TRAF3IP2: variants seen among roughly 807,000 people sequenced by gnomAD.
TRAF3IP2 encodes the protein E3 ubiquitin ligase TRAF3IP2.
Under a neutral mutation model 57.9 loss-of-function variants are expected in TRAF3IP2, and 35 were observed. The observed-to-expected ratio is 0.60, with a 90% CI of 0.46 to 0.80. TRAF3IP2 has a LOEUF of 0.80. TRAF3IP2 is among the 30% of genes least tolerant of loss of function. TRAF3IP2 has a pLI of 0.00. For synonymous variants in TRAF3IP2, 251 were observed against 268.9 expected (o/e 0.93, Z 0.65); for missense variants, 556 against 706.4 (o/e 0.79, Z 2.41).
At chr6:111,568,612 T>C (rs1795732170) in intron 5 of TRAF3IP2, among the ~76,000 whole-genome samples, 2 of 152,060 alleles carry the variant, frequency 1.3e-5, no homozygotes, top group African/African-American at 4.8e-5. Flanking sequence ...TGCTCCCAGA[T>C]TACTTGTCCT....
At chr6:111,588,729 C>T (rs1796414635) in intron 2 of TRAF3IP2, among the ~76,000 whole-genome samples, 1 of 152,188 alleles carries the variant, frequency 6.6e-6, no homozygotes, top group Non-Finnish European at 1.5e-5. Context: ...GTATGCAATG[C>T]TTGCCATAGC....
rs548725969 is a variant in TRAF3IP2, at chr6:111,559,172, G to GT, written c.*232dup. Reference sequence around the variant, plus strand: ...ATATGGGACACTGGCACCTGCAATGGTTTTTTTAAAAGCAGAGAATGCAGA... The same window carrying GT: ...ATATGGGACACTGGCACCTGCAATGGTTTTTTTTAAAAGCAGAGAATGCAGA... On this transcript the variant is annotated 3_prime_UTR_variant, in exon 9 of 9. Transcript: ENST00000368761. 168 of 482,362 alleles carry GT rather than the reference G, an allele frequency of 3.5e-4. No homozygotes were observed. The highest frequency in any genetic ancestry group is 3.0e-3 in the African/African-American group (156 of 52,254). 29.9% of individuals were successfully genotyped at this position (482,362 alleles called of 1,614,324 possible).
chr6:111,556,243 T>C lies in TRAF3IP2; in HGVS notation c.*3162A>G, dbSNP rs1795238953. 1.3e-5 allele frequency among the ~76,000 whole-genome samples: 2 copies of C among 152,048 alleles called. No homozygotes were observed. Among genetic ancestry groups the C allele is most frequent in the African/African-American group, 4.8e-5 (2 of 41,388 alleles). ...GTGTGTGTGTGTCTGTGTGTACTTT[T>C]TGGTTTGTTTTTTTGCTACCAGTGC... is the stretch of plus-strand genomic sequence containing the variant. On this transcript the variant is annotated 3_prime_UTR_variant, in exon 9 of 9. Coordinates refer to ENST00000368761, the MANE Select transcript of TRAF3IP2 (RefSeq NM_147686.4).
At chr6:111,567,499 C>CT in intron 6 of TRAF3IP2, 125 bp downstream of exon 6, 2 of 1,324,168 alleles carry the variant, frequency 1.5e-6, no homozygotes, top group South Asian at 3.7e-5. Context: ...ACAAGGGAGG[C>CT]TTTGTTGGGG....
intron 1 of TRAF3IP2, among the ~76,000 whole-genome samples, chr6:111,603,076 C>T (rs563945410): frequency 1.5e-5 from 2 of 130,684 alleles, no homozygotes; most frequent in Admixed American, 1.8e-4. Flanking sequence ...TGTGCACACA[C>T]AAGGTGTGCA....
Position 111,555,895 on chromosome 6 carries a change from A to G in TRAF3IP2, c.*3510T>C, listed in dbSNP as rs1233838459. ...GAGGCGGATGGATCACGAGGTCAGG[A>G]GATCAAGACCATCCTGGCTAACACG... On this transcript the variant is annotated 3_prime_UTR_variant, in exon 9 of 9. Coordinates refer to ENST00000368761, the MANE Select transcript of TRAF3IP2 (RefSeq NM_147686.4). 2.0e-5 allele frequency among the ~76,000 whole-genome samples: 3 copies of G among 152,078 alleles called. No individual in the cohort carries two copies. Among genetic ancestry groups the G allele is most frequent in the Non-Finnish European group, 4.4e-5 (3 of 67,996 alleles).
Position 111,582,908 on chromosome 6 carries a change from A to AC in TRAF3IP2, c.830-2520dup, listed in dbSNP as rs201556269. 1.1e-4 allele frequency among the ~76,000 whole-genome samples: 17 copies of AC among 152,144 alleles called. 1 individual carries two copies. In the East Asian group the frequency reaches 3.3e-3, roughly 29 times the overall value. Reference sequence around the variant, plus strand: ...TCTCCTTTGGGATCCTGAGTTTGCCACCCTCTTTGTCCAGAATGTTTTTGC... The same window carrying AC: ...TCTCCTTTGGGATCCTGAGTTTGCCACCCCTCTTTGTCCAGAATGTTTTTGC... On this transcript the variant is annotated intron_variant, in intron 2 of 8. Coordinates refer to ENST00000368761, the MANE Select transcript of TRAF3IP2 (RefSeq NM_147686.4).
At chr6:111,568,435 GTGTGTGTGTGT>G in intron 5 of TRAF3IP2, among the ~76,000 whole-genome samples, 2 of 904 alleles carry the variant, frequency 2.2e-3, no homozygotes, top group African/African-American at 8.6e-3. Context: ...ACTGCAGAGT[GTGTGTGTGTGT>G]GTGTGTGTGT....
chr6:111,599,061 G>A (rs1280198252), intron 1 of TRAF3IP2, among the ~76,000 whole-genome samples: 3 of 149,518 alleles, frequency 2.0e-5, no homozygotes, highest in African/African-American at 5.0e-5. Flanking sequence ...CACCACACCT[G>A]GTTAATTTTT....
chr6:111,595,741 T>G (rs573543074), intron 1 of TRAF3IP2, among the ~76,000 whole-genome samples: 5 of 151,626 alleles, frequency 3.3e-5, no homozygotes, highest in Non-Finnish European at 4.4e-5. Flanking sequence ...GGCAGGAGAA[T>G]TGCTTGAACC....
chr6:111,596,735 T>A (rs757580105), intron 1 of TRAF3IP2, among the ~76,000 whole-genome samples: 4 of 152,150 alleles, frequency 2.6e-5, no homozygotes, highest in Non-Finnish European at 5.9e-5. Flanking sequence ...ATTACAGGTG[T>A]GAGCCACTGC....
At chr6:111,575,051 G>A (rs13194006) in intron 4 of TRAF3IP2, among the ~76,000 whole-genome samples, 6,645 of 151,990 alleles carry the variant, frequency 0.044, 202 homozygotes, top group Middle Eastern at 0.072. Context: ...GCAAAACCCC[G>A]TCTCTAGTAA....
chr6:111,575,902 G>A, intron 3 of TRAF3IP2, 81 bp from the exon 4 acceptor site: 2 of 1,361,324 alleles, frequency 1.5e-6, no homozygotes, highest in South Asian at 1.3e-5. Context: ...TTAGAACTAT[G>A]GGAAGATCCC....
intron 7 of TRAF3IP2, 111 bp downstream of exon 7, chr6:111,566,333 C>T: frequency 1.2e-6 from 1 of 864,350 alleles, no homozygotes; most frequent in Non-Finnish European, 1.9e-6. Flanking sequence ...TGGAGCTCTT[C>T]ACCCAGCATC....
At chr6:111,586,505 T>C (rs1352048670) in intron 2 of TRAF3IP2, among the ~76,000 whole-genome samples, 1 of 152,134 alleles carries the variant, frequency 6.6e-6, no homozygotes, top group East Asian at 1.9e-4. Context: ...CGTAGACTTA[T>C]TCCCTTTCTT....
intron 2 of TRAF3IP2, chr6:111,587,146 G>A (rs1333676128): frequency 1.3e-5 from 2 of 152,120 alleles, no homozygotes; most frequent in South Asian, 2.1e-4. Context: ...GAATTGGGGC[G>A]AGCTTGCCTT....
intron 4 of TRAF3IP2, chr6:111,573,974 A>C (rs1795905263): frequency 1.3e-5 from 2 of 152,196 alleles, no homozygotes; most frequent in South Asian, 4.1e-4. Flanking sequence ...GCAGCCAGAT[A>C]TATAGATGGC....
intron 1 of TRAF3IP2, chr6:111,601,885 G>A (rs1388437128): frequency 6.6e-6 from 1 of 152,148 alleles, no homozygotes; most frequent in Non-Finnish European, 1.5e-5. Flanking sequence ...ACTCATTAAT[G>A]TCCTTTGTTT....
chr6:111,602,923 T>A (rs530238477), intron 1 of TRAF3IP2, among the ~76,000 whole-genome samples: 1 of 152,152 alleles, frequency 6.6e-6, no homozygotes, highest in East Asian at 1.9e-4. Flanking sequence ...GGAGCTCCGG[T>A]CAGTCCTGGC....
Sources: gnomAD v4.1 joint callset for allele counts (sites outside exome capture counted in the v4.1 genomes callset) on GRCh38, gnomAD v4.1.1 for gene constraint, MANE v1.5 for transcripts, NCBI Gene and HGNC (gene_info 2026-07-23, HGNC 2026-07-21) for gene names.